The following PHC2 variants were observed in gnomAD, a reference collection of about 807,000 sequenced individuals.
PHC2 encodes polyhomeotic homolog 2, also known as polyhomeotic-like protein 2.
A neutral mutation model predicts 87.4 loss-of-function variants in PHC2; 29 were observed. The observed-to-expected ratio is 0.33, with a 90% CI of 0.25 to 0.45. The LOEUF (loss-of-function observed/expected upper bound fraction) is 0.45, where lower values mean the gene tolerates loss of function less well. Ranked by LOEUF, PHC2 falls within the 20% of genes least tolerant of loss-of-function variation. The probability of loss-of-function intolerance (pLI) is 1.00; values close to 1 mark genes in which losing one functional copy is unlikely to be tolerated. For missense variants in PHC2, 857 were observed against 1,136.7 expected (o/e 0.75, Z 3.54); for synonymous variants, 438 against 461.7 (o/e 0.95, Z 0.66).
chr1:33,327,444 C>G (rs939119126), intron 14 of PHC2, among the ~76,000 whole-genome samples: 1 of 152,166 alleles, frequency 6.6e-6, no homozygotes, highest in African/African-American at 2.4e-5. Flanking sequence ...GAGGAAGGAA[C>G]ACAAATTTCT....
Position 33,361,838 on chromosome 1 carries a change from C to T in PHC2, c.976+5278G>A, listed in dbSNP as rs113227498. On this transcript the variant is annotated intron_variant, in intron 7 of 14. Transcript: ENST00000683057. The stretch of plus-strand genomic sequence containing the variant: ...GGTGATAAGCTGGGTGGTGATGGAG[C>T]GTGGGAATGAGGGAGGGCTTTCTCT... Among the ~76,000 whole-genome samples, 714 of 152,250 alleles carry T rather than the reference C, an allele frequency of 4.7e-3. 12 individuals are homozygous for T. The highest frequency in any genetic ancestry group is 0.016 in the African/African-American group (681 of 41,542).
chr1:33,357,298 G>T (rs1157262888), intron 7 of PHC2, among the ~76,000 whole-genome samples: 2 of 152,194 alleles, frequency 1.3e-5, no homozygotes, highest in African/African-American at 4.8e-5. Context: ...AAGTAAGCAG[G>T]TTTCAAACTG....
intron 1 of PHC2, among the ~76,000 whole-genome samples, chr1:33,408,448 T>TTTTTG (rs58197362): frequency 0.51 from 76,476 of 151,360 alleles, 19,981 homozygotes; most frequent in South Asian, 0.61. Context: ...TTTAGTAGTT[T>TTTTTG]TTTTGTTTTG....
intron 1 of PHC2, among the ~76,000 whole-genome samples, chr1:33,416,993 A>C (rs1304436857): frequency 6.6e-6 from 1 of 152,148 alleles, no homozygotes; most frequent in East Asian, 1.9e-4. Flanking sequence ...AAGGACCAGA[A>C]GGGAAAAATG....
intron 1 of PHC2, among the ~76,000 whole-genome samples, chr1:33,412,096 A>C (rs942492396): frequency 2.0e-5 from 3 of 152,202 alleles, no homozygotes; most frequent in African/African-American, 7.2e-5. Flanking sequence ...TAGGAAGTGC[A>C]ATAAGGCAGG....
intron 1 of PHC2, among the ~76,000 whole-genome samples, chr1:33,375,805 A>T (rs548793483): frequency 6.6e-6 from 1 of 152,328 alleles, no homozygotes; most frequent in South Asian, 2.1e-4. Flanking sequence ...CTATTTGCAT[A>T]GCATTTACAT....
intron 1 of PHC2, among the ~76,000 whole-genome samples, chr1:33,411,831 T>C (rs753084440): frequency 1.3e-5 from 2 of 152,186 alleles, no homozygotes; most frequent in Non-Finnish European, 2.9e-5. Context: ...AGTGCTGGGA[T>C]TACAGGCATG....
Position 33,372,462 on chromosome 1 carries a change from A to C in PHC2, c.175-15T>G. 1.3e-6 allele frequency: 2 copies of C among 1,528,966 alleles called. No homozygotes were observed. Among genetic ancestry groups the C allele is most frequent in the Non-Finnish European group, 1.8e-6 (2 of 1,132,278 alleles). The allele number at this position is 1,528,966 out of a possible 1,614,324, so 94.7% of individuals were successfully genotyped here. On this transcript the variant is annotated splice_polypyrimidine_tract_variant and intron_variant, in intron 2 of 14. Transcript: ENST00000683057. ...TGCTGGATCACCTGAGAAGGGAGGG[A>C]GGGGGAAGAGCCAGGCTGGTAGCTG...
At chr1:33,401,372 A>G (rs1398444447) in intron 1 of PHC2, among the ~76,000 whole-genome samples, 1 of 152,176 alleles carries the variant, frequency 6.6e-6, no homozygotes, top group Non-Finnish European at 1.5e-5. Context: ...ATATATGGAA[A>G]TGCAAAAGAC....
intron 1 of PHC2, among the ~76,000 whole-genome samples, chr1:33,407,365 T>TA (rs1040377606): frequency 1.3e-5 from 2 of 152,218 alleles, no homozygotes; most frequent in Admixed American, 1.3e-4. Flanking sequence ...TCAAGGTTAA[T>TA]AAATGTCCAA....
At chr1:33,326,539 C>G (rs191899139) in intron 14 of PHC2, 11 of 152,362 alleles carry the variant, frequency 7.2e-5, no homozygotes, top group African/African-American at 2.6e-4. Context: ...AATACCAATG[C>G]AGACAACAGC....
At chr1:33,337,761 T>C (rs1646669195) in intron 9 of PHC2, among the ~76,000 whole-genome samples, 1 of 152,240 alleles carries the variant, frequency 6.6e-6, no homozygotes, top group Non-Finnish European at 1.5e-5. Flanking sequence ...TACAAATTCG[T>C]AATCATCCTA....
At chr1:33,326,270 C>A in intron 14 of PHC2, 1 of 173,358 alleles carries the variant, frequency 5.8e-6, no homozygotes, top group Non-Finnish European at 1.3e-5. Context: ...GCACATGATG[C>A]TAACATTAAG....
intron 1 of PHC2, among the ~76,000 whole-genome samples, chr1:33,430,094 T>A (rs990155757): frequency 2.0e-5 from 3 of 152,052 alleles, no homozygotes; most frequent in African/African-American, 7.2e-5. Context: ...AGGGGGATAA[T>A]TACAAGAAGA....
intron 1 of PHC2, among the ~76,000 whole-genome samples, chr1:33,408,152 C>G (rs961829767): frequency 6.6e-6 from 1 of 152,210 alleles, no homozygotes; most frequent in Non-Finnish European, 1.5e-5. Context: ...TCCTAATTAT[C>G]TAGCTCGCCA....
intron 7 of PHC2, among the ~76,000 whole-genome samples, chr1:33,366,040 A>G (rs747952192): frequency 6.6e-6 from 1 of 152,222 alleles, no homozygotes; most frequent in Non-Finnish European, 1.5e-5. Flanking sequence ...ATTTGCTTCT[A>G]TATCTGGTTC....
intron 7 of PHC2, among the ~76,000 whole-genome samples, chr1:33,361,212 G>A (rs1465016196): frequency 6.6e-6 from 1 of 152,204 alleles, no homozygotes; most frequent in African/African-American, 2.4e-5. Context: ...TGGGCAGTGG[G>A]GGGAGGGTCT....
At chr1:33,340,752 G>A (rs1646728246) in intron 9 of PHC2, among the ~76,000 whole-genome samples, 1 of 152,120 alleles carries the variant, frequency 6.6e-6, no homozygotes. Context: ...GAGGGGAACA[G>A]GCAGGCTGAG....
intron 1 of PHC2, among the ~76,000 whole-genome samples, chr1:33,384,427 G>A (rs1470682864): frequency 3.3e-5 from 5 of 152,240 alleles, no homozygotes; most frequent in Non-Finnish European, 5.9e-5. Flanking sequence ...TAGAATTTGA[G>A]ATGGGAAGAG....
Sources: gnomAD v4.1 joint callset for allele counts (sites outside exome capture counted in the v4.1 genomes callset) on GRCh38, gnomAD v4.1.1 for gene constraint, MANE v1.5 for transcripts, NCBI Gene and HGNC (gene_info 2026-07-23, HGNC 2026-07-21) for gene names.